The following DCC variants were observed in gnomAD, a reference collection of about 807,000 sequenced individuals.
DCC encodes netrin receptor DCC.
DCC carries 58 observed loss-of-function variants against 172.5 expected under a neutral mutation model. The observed-to-expected ratio is 0.34, with a 90% confidence interval of 0.27 to 0.42. The LOEUF (loss-of-function observed/expected upper bound fraction) is 0.42, where lower values mean the gene tolerates loss of function less well. Among genes scored for constraint, DCC ranks in the 10% least tolerant of loss-of-function variants. The probability of loss-of-function intolerance (pLI) is 1.00; values close to 1 mark genes in which losing one functional copy is unlikely to be tolerated. For missense variants in DCC, 1,740 were observed against 1,791.0 expected (o/e 0.97, Z 0.51); for synonymous variants, 709 against 644.5 (o/e 1.10, Z -1.52).
At chr18:52,959,470 T>A (rs868430155) in intron 5 of DCC, among the ~76,000 whole-genome samples, 2 of 152,052 alleles carry the variant, frequency 1.3e-5, no homozygotes, top group South Asian at 2.1e-4. Context: ...TTTGTATGTT[T>A]GTTACATGGA....
chr18:52,909,787 T>C (rs914579942), intron 3 of DCC, among the ~76,000 whole-genome samples: 3 of 152,172 alleles, frequency 2.0e-5, no homozygotes, highest in Non-Finnish European at 2.9e-5. Flanking sequence ...AATGTTGGAA[T>C]ACCATGCCCT....
At chr18:52,679,810 C>T (rs559133518) in intron 1 of DCC, among the ~76,000 whole-genome samples, 1 of 152,202 alleles carries the variant, frequency 6.6e-6, no homozygotes, top group East Asian at 1.9e-4. Context: ...GGATTCTGTT[C>T]CCTTTTAATC....
chr18:53,527,982 G>T (rs566437052), intron 28 of DCC, among the ~76,000 whole-genome samples: 1 of 152,160 alleles, frequency 6.6e-6, no homozygotes, highest in Non-Finnish European at 1.5e-5. Context: ...CTTCCAACTA[G>T]CTTGTTTTCT....
At chr18:53,211,079 A>G (rs1230264130) in intron 11 of DCC, among the ~76,000 whole-genome samples, 1 of 152,200 alleles carries the variant, frequency 6.6e-6, no homozygotes. Context: ...CGAATGAACC[A>G]TTGAAAGTTT....
intron 15 of DCC, among the ~76,000 whole-genome samples, chr18:53,373,019 A>G (rs1370457120): frequency 6.6e-6 from 1 of 152,050 alleles, no homozygotes; most frequent in African/African-American, 2.4e-5. Flanking sequence ...GCCTAACCAC[A>G]TGTTTGCCTC....
intron 22 of DCC, among the ~76,000 whole-genome samples, chr18:53,437,813 C>T (rs966379245): frequency 6.6e-6 from 1 of 152,094 alleles, no homozygotes; most frequent in African/African-American, 2.4e-5. Context: ...TCAAGAAATG[C>T]GACTAAGCCC....
chr18:52,529,679 ACT>A (rs1374568566), intron 1 of DCC, among the ~76,000 whole-genome samples: 1 of 152,000 alleles, frequency 6.6e-6, no homozygotes, highest in Non-Finnish European at 1.5e-5. Flanking sequence ...AGAGTTTCAG[ACT>A]CTGTCCAATT....
At chr18:52,660,039 G>A (rs889758843) in intron 1 of DCC, among the ~76,000 whole-genome samples, 10 of 151,952 alleles carry the variant, frequency 6.6e-5, no homozygotes, top group African/African-American at 1.7e-4. Context: ...TTTTGCCTTC[G>A]AATTCCTCGC....
chr18:52,420,295 G>A (rs878893822), intron 1 of DCC, among the ~76,000 whole-genome samples: 2 of 152,172 alleles, frequency 1.3e-5, no homozygotes, highest in African/African-American at 4.8e-5. Flanking sequence ...GCCCTGTGAT[G>A]TTGCTGTTCT....
intron 11 of DCC, among the ~76,000 whole-genome samples, chr18:53,213,796 G>A (rs2055799380): frequency 6.6e-6 from 1 of 150,858 alleles, no homozygotes; most frequent in Non-Finnish European, 1.5e-5. Context: ...TCTACAAATA[G>A]TACTTCAATT....
At chr18:53,209,424 T>G (rs776133293) in intron 11 of DCC, among the ~76,000 whole-genome samples, 3 of 152,326 alleles carry the variant, frequency 2.0e-5, no homozygotes, top group African/African-American at 7.2e-5. Flanking sequence ...TTGGTGTGTT[T>G]AATTCTATAA....
chr18:52,676,848 C>A (rs1208544888), intron 1 of DCC, among the ~76,000 whole-genome samples: 1 of 152,172 alleles, frequency 6.6e-6, no homozygotes, highest in East Asian at 1.9e-4. Flanking sequence ...ATGATCTTTT[C>A]CTGGAGATCA....
intron 24 of DCC, among the ~76,000 whole-genome samples, chr18:53,461,736 C>A (rs1599176463): frequency 6.6e-6 from 1 of 152,186 alleles, no homozygotes; most frequent in Non-Finnish European, 1.5e-5. Context: ...TCTTTTCAAG[C>A]TCTCAAATGA....
chr18:52,697,003 C>T (rs762372819), intron 1 of DCC, among the ~76,000 whole-genome samples: 19 of 152,060 alleles, frequency 1.2e-4, no homozygotes, highest in Non-Finnish European at 2.6e-4. Context: ...AGATATTTAC[C>T]GAAAGTAACA....
At chr18:52,513,870 C>T (rs1414753929) in intron 1 of DCC, among the ~76,000 whole-genome samples, 1 of 152,162 alleles carries the variant, frequency 6.6e-6, no homozygotes, top group Non-Finnish European at 1.5e-5. Flanking sequence ...AGTGCTGCAG[C>T]AGGGATCAGG....
intron 2 of DCC, among the ~76,000 whole-genome samples, chr18:52,766,437 G>A (rs985438082): frequency 1.3e-5 from 2 of 152,012 alleles, no homozygotes; most frequent in African/African-American, 4.8e-5. Context: ...TGGCTCCCAA[G>A]CTCTTGTCCA....
chr18:52,536,823 A>G (rs2032303460), intron 1 of DCC, among the ~76,000 whole-genome samples: 1 of 152,164 alleles, frequency 6.6e-6, no homozygotes, highest in Non-Finnish European at 1.5e-5. Context: ...CTTAATTCCT[A>G]AGAAGACTCT....
intron 1 of DCC, among the ~76,000 whole-genome samples, chr18:52,677,850 A>G (rs1419208683): frequency 6.6e-6 from 1 of 152,182 alleles, no homozygotes; most frequent in African/African-American, 2.4e-5. Flanking sequence ...GAGCAAGTAT[A>G]TTAATACTTT....
chr18:52,617,368 T>A (rs987467130), intron 1 of DCC, among the ~76,000 whole-genome samples: 3 of 152,116 alleles, frequency 2.0e-5, no homozygotes, highest in Non-Finnish European at 2.9e-5. Flanking sequence ...AAAGAGGGAA[T>A]GGGGAATATT....
Sources: gnomAD v4.1 joint callset for allele counts (sites outside exome capture counted in the v4.1 genomes callset) on GRCh38, gnomAD v4.1.1 for gene constraint, MANE v1.5 for transcripts, NCBI Gene and HGNC (gene_info 2026-07-23, HGNC 2026-07-21) for gene names.